The following MARCHF1 variants were observed in gnomAD, a reference collection of about 807,000 sequenced individuals.
MARCHF1 encodes membrane associated ring-CH-type finger 1.
Under a neutral mutation model 54.2 loss-of-function variants are expected in MARCHF1, and 40 were observed. That is an observed-to-expected ratio of 0.74 (90% confidence interval 0.57 to 0.96). MARCHF1 has a LOEUF of 0.96. MARCHF1 is among the 40% of genes least tolerant of loss of function. The pLI is 0.00. For synonymous variants in MARCHF1, 236 were observed against 236.3 expected (o/e 1.00, Z 0.01); for missense variants, 586 against 656.5 (o/e 0.89, Z 1.17).
chr4:164,263,352 A>ATATATG (rs1232707890), intron 1 of MARCHF1, among the ~76,000 whole-genome samples: 1 of 152,168 alleles, frequency 6.6e-6, no homozygotes, highest in African/African-American at 2.4e-5. Context: ...ATATACACAC[A>ATATATG]TATACATATG....
chr4:164,111,861 A>G (rs1462864624), intron 1 of MARCHF1, among the ~76,000 whole-genome samples, 199 bp from the exon 2 acceptor site: 1 of 151,792 alleles, frequency 6.6e-6, no homozygotes, highest in African/African-American at 2.4e-5. Flanking sequence ...AAATTTCTGT[A>G]TGGTTGCAAA....
At chr4:163,641,257 GAC>G (rs763642898) in intron 5 of MARCHF1, among the ~76,000 whole-genome samples, 29 of 152,146 alleles carry the variant, frequency 1.9e-4, no homozygotes, top group Non-Finnish European at 3.7e-4. Flanking sequence ...AGAATAAAAT[GAC>G]AGTTTAATTT....
chr4:163,997,951 C>T (rs2110910506), intron 2 of MARCHF1, among the ~76,000 whole-genome samples: 1 of 150,508 alleles, frequency 6.6e-6, no homozygotes, highest in South Asian at 2.1e-4. Context: ...CACACACACA[C>T]ACACACGTAG....
chr4:164,342,270 C>T (rs1001558272), intron 1 of MARCHF1, among the ~76,000 whole-genome samples: 2 of 152,082 alleles, frequency 1.3e-5, no homozygotes, highest in Non-Finnish European at 2.9e-5. Context: ...TCACCTCACA[C>T]CTGTTAAGAC....
intron 1 of MARCHF1, among the ~76,000 whole-genome samples, chr4:164,142,572 C>T (rs1442712570): frequency 6.6e-6 from 1 of 152,184 alleles, no homozygotes; most frequent in Non-Finnish European, 1.5e-5. Flanking sequence ...ACTGACACCT[C>T]ACACAGCCAG....
chr4:164,027,688 T>G (rs1753800179), intron 2 of MARCHF1, among the ~76,000 whole-genome samples: 1 of 151,862 alleles, frequency 6.6e-6, no homozygotes, highest in Admixed American at 6.6e-5. Context: ...ATATCAGCCT[T>G]GGCAAATAAT....
At chr4:164,008,600 A>G (rs578118240) in intron 2 of MARCHF1, among the ~76,000 whole-genome samples, 1 of 152,122 alleles carries the variant, frequency 6.6e-6, no homozygotes, top group Non-Finnish European at 1.5e-5. Flanking sequence ...ACAAGTCTGA[A>G]CAAATAAAAA....
intron 3 of MARCHF1, among the ~76,000 whole-genome samples, chr4:163,950,543 C>T (rs1218782102): frequency 3.3e-5 from 5 of 152,134 alleles, no homozygotes. Context: ...GGCTAGACAG[C>T]GGTGCTCAGG....
chr4:163,958,287 T>C (rs1752272644), intron 3 of MARCHF1, among the ~76,000 whole-genome samples: 1 of 151,792 alleles, frequency 6.6e-6, no homozygotes, highest in Non-Finnish European at 1.5e-5. Context: ...TCATTGCATT[T>C]ATCATCTGAC....
chr4:164,138,731 T>C (rs1756457062), intron 1 of MARCHF1, among the ~76,000 whole-genome samples: 1 of 152,188 alleles, frequency 6.6e-6, no homozygotes. Context: ...CATCACCTCA[T>C]GTGGAGGCTT....
intron 4 of MARCHF1, among the ~76,000 whole-genome samples, chr4:163,743,577 CT>C (rs34675962): frequency 0.46 from 56,155 of 122,190 alleles, 10,930 homozygotes; most frequent in East Asian, 0.6. Context: ...GATACACCAT[CT>C]TTTTTTTTTT....
intron 1 of MARCHF1, among the ~76,000 whole-genome samples, chr4:164,232,567 C>T (rs541343012): frequency 7.9e-5 from 12 of 152,184 alleles, no homozygotes; most frequent in Non-Finnish European, 1.5e-4. Flanking sequence ...CACCCTTGGC[C>T]GATATGCAGC....
chr4:163,891,289 C>A (rs895943042), intron 3 of MARCHF1, among the ~76,000 whole-genome samples: 1 of 151,836 alleles, frequency 6.6e-6, no homozygotes, highest in African/African-American at 2.4e-5. Context: ...ACTTCACTAG[C>A]TCATAATGGT....
intron 3 of MARCHF1, among the ~76,000 whole-genome samples, chr4:163,976,589 T>A (rs150858836): frequency 6.6e-6 from 1 of 152,300 alleles, no homozygotes; most frequent in African/African-American, 2.4e-5. Flanking sequence ...AATAGGCTAC[T>A]GCCTCAATGA....
intron 1 of MARCHF1, among the ~76,000 whole-genome samples, chr4:164,195,174 G>A (rs1473962947): frequency 5.9e-5 from 9 of 151,636 alleles, no homozygotes; most frequent in Admixed American, 3.9e-4. Flanking sequence ...GTTCTTTGAG[G>A]TCATGATTTA....
intron 2 of MARCHF1, among the ~76,000 whole-genome samples, chr4:164,030,619 T>C (rs1317113819): frequency 2.0e-5 from 3 of 152,176 alleles, no homozygotes; most frequent in Non-Finnish European, 4.4e-5. Context: ...CTGCTGAATA[T>C]CCAGAACGTT....
intron 4 of MARCHF1, among the ~76,000 whole-genome samples, chr4:163,775,887 G>A (rs577888391): frequency 6.6e-6 from 1 of 152,244 alleles, no homozygotes; most frequent in South Asian, 2.1e-4. Flanking sequence ...GATCTGAAGT[G>A]TTATGAGCAT....
At chr4:163,669,050 G>A (rs976270069) in intron 5 of MARCHF1, among the ~76,000 whole-genome samples, 1 of 152,116 alleles carries the variant, frequency 6.6e-6, no homozygotes, top group African/African-American at 2.4e-5. Flanking sequence ...GGTGCTTCAA[G>A]CTGAGTGATT....
At chr4:164,121,516 T>A (rs565399559) in intron 1 of MARCHF1, among the ~76,000 whole-genome samples, 1 of 152,174 alleles carries the variant, frequency 6.6e-6, no homozygotes, top group African/African-American at 2.4e-5. Context: ...TCAGATCTCA[T>A]GAGAACTCAC....
Sources: gnomAD v4.1 joint callset for allele counts (sites outside exome capture counted in the v4.1 genomes callset) on GRCh38, gnomAD v4.1.1 for gene constraint, MANE v1.5 for transcripts, NCBI Gene and HGNC (gene_info 2026-07-23, HGNC 2026-07-21) for gene names.